The following OTOG variants were observed in gnomAD, a reference collection of about 807,000 sequenced individuals.
The protein encoded by OTOG is otogelin.
In OTOG, 296 loss-of-function variants were observed where a neutral mutation model predicts 313.8. The observed-to-expected ratio is 0.94, with a 90% CI of 0.86 to 1.04. The LOEUF is 1.04. Ranked by LOEUF, OTOG falls within the 50% of genes least tolerant of loss-of-function variation. OTOG has a pLI of 0.00. For synonymous variants in OTOG, 1,533 were observed against 1,554.9 expected (o/e 0.99, Z 0.33); for missense variants, 3,948 against 3,840.1 (o/e 1.03, Z -0.74).
At chr11:17,608,246 C>T (rs995053049) in intron 33 of OTOG, 50 bp from the exon 34 acceptor site, 1 of 1,276,420 alleles carries the variant, frequency 7.8e-7, no homozygotes, top group African/African-American at 1.5e-5. Flanking sequence ...TCTGGGACTC[C>T]CTCTGTGTCT....
At chr11:17,570,071 G>GGCAGGCAC in intron 16 of OTOG, 142 bp from the exon 17 acceptor site, 1 of 723,186 alleles carries the variant, frequency 1.4e-6, no homozygotes, top group South Asian at 1.8e-5. Context: ...CCAGCTTCAT[G>GGCAGGCAC]GCAGGCACGC....
Position 17,560,752 on chromosome 11 carries a change from T to A in OTOG, c.1386T>A (p.Cys462Ter), listed in dbSNP as rs1215870169. The change falls in exon 13 of 56, where the codon TGT (cysteine) becomes TGA (stop). Residue 462 changes from cysteine to a stop codon, truncating the protein, a stop_gained. Coordinates refer to ENST00000399397, the MANE Select transcript of OTOG (RefSeq NM_001292063.2). LOFTEE classifies it high-confidence loss of function. ...EDGGCVAPAE[C>*]PCEFHGTLYP... is the part of the protein sequence containing the mutation. Reference sequence around the variant, plus strand: ...GGGGCTGCGTGGCACCAGCTGAGTGTCCCTGTGAGTTTCACGGGACTCTGT... The same window carrying A: ...GGGGCTGCGTGGCACCAGCTGAGTGACCCTGTGAGTTTCACGGGACTCTGT... The A allele has an allele frequency of 6.4e-7, 1 of 1,550,636 alleles. No individual in the cohort carries two copies. The highest frequency in any genetic ancestry group is 1.4e-5 in the African/African-American group (1 of 73,134).
chr11:17,592,398 C>T (rs1852969410), intron 25 of OTOG, among the ~76,000 whole-genome samples: 1 of 152,138 alleles, frequency 6.6e-6, no homozygotes, highest in Non-Finnish European at 1.5e-5. Context: ...AGATAATTGA[C>T]CTCATTTTAT....
chr11:17,639,866 A>G (rs1847932377), intron 49 of OTOG, among the ~76,000 whole-genome samples: 1 of 131,520 alleles, frequency 7.6e-6, no homozygotes, highest in Non-Finnish European at 1.6e-5. Flanking sequence ...TGATAATGCA[A>G]TGGTGATGGT....
At chr11:17,612,358 T>G in intron 37 of OTOG, 28 bp downstream of exon 37, 5 of 1,505,170 alleles carry the variant, frequency 3.3e-6, no homozygotes, top group Non-Finnish European at 4.4e-6. Flanking sequence ...CGGAGCCTCC[T>G]GCATCCTCCC....
chr11:17,643,447 C>T lies in OTOG; in HGVS notation c.8416-14C>T. ...CTCCACACCTACCTACCTCCCCCGA[C>T]TTCCTCTCTCTAGGTTGGGGGTTCC... On this transcript the variant is annotated splice_polypyrimidine_tract_variant and intron_variant, in intron 53 of 55. Transcript: ENST00000399397. 1.4e-6 allele frequency: 2 copies of T among 1,434,530 alleles called. No homozygotes were observed. The allele number at this position is 1,434,530 out of a possible 1,614,324, so 88.9% of individuals were successfully genotyped here. A position where few individuals can be genotyped will look rare whatever the true frequency, so the allele number is the denominator to read the frequency against.
intron 39 of OTOG, among the ~76,000 whole-genome samples, chr11:17,626,482 C>A (rs1317562077): frequency 6.6e-6 from 1 of 152,152 alleles, no homozygotes; most frequent in Non-Finnish European, 1.5e-5. Context: ...AGCCTATATG[C>A]CTATTTTTAC....
Position 17,547,267 on chromosome 11 carries a change from A to G in OTOG, c.-106A>G, listed in dbSNP as rs938285546. The G allele has an allele frequency of 7.2e-6, 7 of 966,360 alleles. No individual in the cohort carries two copies. Among genetic ancestry groups the G allele is most frequent in the African/African-American group, 6.8e-5 (4 of 58,638 alleles). 59.9% of individuals were successfully genotyped at this position (966,360 alleles called of 1,614,324 possible). ...TGAGGGAGCCCTGGGGCATGAGAAC[A>G]AGAGGGACCTCGGCTGCGGAGTGGA... On this transcript the variant is annotated 5_prime_UTR_variant, in exon 1 of 56. Coordinates refer to ENST00000399397, the MANE Select transcript of OTOG (RefSeq NM_001292063.2).
intron 16 of OTOG, 130 bp from the exon 17 acceptor site, chr11:17,570,083 G>C: frequency 1.1e-5 from 7 of 666,030 alleles, no homozygotes; most frequent in South Asian, 2.2e-5. Context: ...CAGGCACGCA[G>C]GCAGGCAGGC....
At chr11:17,602,141 G>T in intron 31 of OTOG, 69 bp from the exon 32 acceptor site, 2 of 1,513,668 alleles carry the variant, frequency 1.3e-6, no homozygotes, top group Non-Finnish European at 1.8e-6. Context: ...CTGCCAAGGG[G>T]TGGGGCAGGA....
intron 9 of OTOG, 104 bp downstream of exon 9, chr11:17,558,419 C>A: frequency 6.6e-7 from 1 of 1,517,786 alleles, no homozygotes; most frequent in South Asian, 1.2e-5. Context: ...GTGCCCTTGA[C>A]CCCATCCCTC....
Position 17,553,178 on chromosome 11 carries a change from C to A in OTOG, c.352C>A (p.Arg118Ser). Residue 118 changes from arginine to serine, a missense_variant, in exon 5 of 56, where the codon CGC becomes AGC. Physicochemically the swap from Arg to Ser is moderately radical, Grantham distance 110. Transcript: ENST00000399397. Reference protein sequence around the residue: ...CVHPAFCDCRRFNATGPRCQM... With the variant: ...CVHPAFCDCRSFNATGPRCQM... ...GCACCCAGCCTTCTGTGACTGCAGA[C>A]GCTTCAATGCCACTGGACCGCGCTG... 1 of 1,550,534 alleles carries A rather than the reference C, an allele frequency of 6.4e-7. No individual in the cohort carries two copies.
At chr11:17,563,543 C>T (rs972598950) in intron 15 of OTOG, among the ~76,000 whole-genome samples, 1 of 152,234 alleles carries the variant, frequency 6.6e-6, no homozygotes, top group Non-Finnish European at 1.5e-5. Flanking sequence ...GGAGACTGCT[C>T]TTCCTCAAAA....
rs945779065 is a variant in OTOG at position 17,561,136 on chromosome 11, A to G, written c.1497A>G (p.Pro499=). 3.2e-6 allele frequency: 5 copies of G among 1,550,424 alleles called. No individual in the cohort carries two copies. The African/African-American group carries it at 5.5e-5, about 17-fold the overall frequency. The part of the protein sequence containing the change: ...GKWECSTAVC[P]AECSVTGDIH... Reference sequence around the variant, plus strand: ...GGGAGTGCAGCACAGCTGTCTGCCCAGGTATGTCTGCCCCCCACCTTGCAC... The same window carrying G: ...GGGAGTGCAGCACAGCTGTCTGCCCGGGTATGTCTGCCCCCCACCTTGCAC... Residue 499 remains proline (P), a splice_region_variant and synonymous_variant, in exon 14 of 56, where the codon CCA becomes CCG. Coordinates refer to ENST00000399397, the MANE Select transcript of OTOG (RefSeq NM_001292063.2).
chr11:17,626,714 A>G (rs976152401), intron 39 of OTOG, among the ~76,000 whole-genome samples: 1 of 152,160 alleles, frequency 6.6e-6, no homozygotes, highest in Admixed American at 6.5e-5. Context: ...TTTGGGTAAT[A>G]TGTACATTTT....
intron 35 of OTOG, 104 bp downstream of exon 35, chr11:17,609,313 A>G (rs1201442368): frequency 1.1e-5 from 12 of 1,055,432 alleles, no homozygotes; most frequent in Admixed American, 2.1e-5. Flanking sequence ...GAGAAGCAAG[A>G]TCAGCACAGG....
Position 17,591,470 on chromosome 11 carries a change from T to G in OTOG, c.2888T>G (p.Phe963Cys). ...CHTCVCQRGS[F>C]QCTLHPCAST... The stretch of plus-strand genomic sequence containing the variant: ...TTCAGTGTGTGCCAGCGGGGCTCAT[T>G]CCAGTGCACCCTGCACCCTTGCGCC... The change falls in exon 25 of 56, where the codon TTC becomes TGC. Residue 963 changes from phenylalanine to cysteine, a missense_variant. Physicochemically the swap from Phe to Cys is radical, Grantham distance 205. Coordinates refer to ENST00000399397, the MANE Select transcript of OTOG (RefSeq NM_001292063.2). The G allele has an allele frequency of 6.4e-7, 1 of 1,550,720 alleles. No homozygotes were observed.
intron 23 of OTOG, among the ~76,000 whole-genome samples, chr11:17,580,165 G>A (rs1033502567): frequency 2.0e-5 from 3 of 152,254 alleles, no homozygotes; most frequent in East Asian, 1.9e-4. Flanking sequence ...TCCAAAGAAC[G>A]GTCTGTGGCT....
chr11:17,575,637 CTGTA>C, intron 20 of OTOG, among the ~76,000 whole-genome samples: 1 of 152,198 alleles, frequency 6.6e-6, no homozygotes, highest in Middle Eastern at 3.2e-3. Flanking sequence ...GTTTCTCCGT[CTGTA>C]AAATGATACA....
Sources: allele counts gnomAD v4.1 joint callset (sites outside exome capture counted in the v4.1 genomes callset), GRCh38; gene constraint gnomAD v4.1.1; transcripts MANE v1.5; gene names NCBI Gene and HGNC (gene_info 2026-07-23, HGNC 2026-07-21).